RAD52: variants seen among roughly 807,000 people sequenced by gnomAD.
RAD52 encodes RAD52 DNA repair protein.
Under a neutral mutation model 55.5 loss-of-function variants are expected in RAD52, and 47 were observed. The observed-to-expected ratio is 0.85, with a 90% CI of 0.67 to 1.08. The LOEUF is 1.08. Among genes scored for constraint, RAD52 ranks in the 50% least tolerant of loss-of-function variants. RAD52 has a pLI of 0.00. For synonymous variants in RAD52, 184 were observed against 198.9 expected (o/e 0.92, Z 0.63); for missense variants, 468 against 522.8 (o/e 0.90, Z 1.02).
intron 6 of RAD52, 110 bp downstream of exon 6, chr12:927,035 G>A: frequency 1.3e-6 from 2 of 1,522,114 alleles, no homozygotes; most frequent in South Asian, 2.3e-5. Flanking sequence ...CTTCCACGCT[G>A]CTTGGATTTT....
chr12:917,027 T>C (rs1210858997), intron 7 of RAD52, among the ~76,000 whole-genome samples: 1 of 152,172 alleles, frequency 6.6e-6, no homozygotes, highest in Non-Finnish European at 1.5e-5. Context: ...GAATCCTTCT[T>C]TGGTTTTGAC....
Position 955,024 on chromosome 12 carries a change from G to A in RAD52, c.-18-21948C>T, listed in dbSNP as rs140970095. 6.7e-4 allele frequency among the ~76,000 whole-genome samples: 102 copies of A among 152,306 alleles called. 1 individual carries two copies. The highest frequency in any genetic ancestry group is 2.4e-3 in the African/African-American group (99 of 41,574). On this transcript the variant is annotated intron_variant, in intron 1 of 11. Coordinates refer to the RAD52 transcript ENST00000430095. ...CCCAATTAGCAAGATGCCTTACTAA[G>A]TGCTAGGCAGACAAAACAATATTCA...
intron 9 of RAD52, among the ~76,000 whole-genome samples, chr12:916,023 T>C (rs1373708926): frequency 6.6e-6 from 1 of 152,202 alleles, no homozygotes; most frequent in Non-Finnish European, 1.5e-5. Flanking sequence ...GGCCAAGGCT[T>C]TCTAATGTAG....
chr12:947,901 A>C (rs1438093083), intron 1 of RAD52, among the ~76,000 whole-genome samples: 39 of 129,904 alleles, frequency 3.0e-4, no homozygotes, highest in Admixed American at 1.4e-3. Flanking sequence ...AAAAAAAAAA[A>C]ACAAAAAAAA....
chr12:982,532 T>C (rs1032961450), intron 1 of RAD52, among the ~76,000 whole-genome samples: 2 of 152,168 alleles, frequency 1.3e-5, no homozygotes, highest in Non-Finnish European at 2.9e-5. Context: ...GCCAAATTCT[T>C]TGTGGAAGAA....
Position 933,042 on chromosome 12 carries a change from T to C in RAD52, c.17A>G (p.Glu6Gly). The C allele has an allele frequency of 6.2e-7, 1 of 1,613,718 alleles. No homozygotes were observed. Among genetic ancestry groups the C allele is most frequent in the Non-Finnish European group, 8.5e-7 (1 of 1,179,952 alleles). ...GCTGTCACGTCCTCCAAGAATTGCT[T>C]CCTCAGTCCCAGACATCTTGATTCT... MSGTE[E>G]AILGGRDSHP... Residue 6 changes from glutamate (E) to glycine (G), a missense_variant, in exon 2 of 12, where the codon GAA (glutamate) becomes GGA (glycine). Physicochemically the swap from Glu to Gly is moderately conservative, Grantham distance 98. Transcript: ENST00000358495.
intron 5 of RAD52, among the ~76,000 whole-genome samples, chr12:928,498 CAA>C (rs1193286605): frequency 6.8e-6 from 1 of 147,600 alleles, no homozygotes; most frequent in East Asian, 2.0e-4. Flanking sequence ...GCCTGGGCAA[CAA>C]GAGCAAAACT....
In RAD52 at chr12:913,326, T is replaced by C; in HGVS notation, c.*65A>G. 1 of 1,226,286 alleles carries C rather than the reference T, an allele frequency of 8.2e-7. No homozygotes were observed. Among genetic ancestry groups the C allele is most frequent in the South Asian group, 1.3e-5 (1 of 77,398 alleles). 76.0% of individuals were successfully genotyped at this position (1,226,286 alleles called of 1,614,324 possible). ...TCTCCAGCAGCGATGAACAATTTCA[T>C]GACCAAAAAGTAGTTTTCCAAAGTC... On this transcript the variant is annotated 3_prime_UTR_variant, in exon 12 of 12. Coordinates refer to ENST00000358495, the MANE Select transcript of RAD52 (RefSeq NM_134424.4).
intron 1 of RAD52, among the ~76,000 whole-genome samples, chr12:948,580 C>A (rs1056565274): frequency 3.9e-5 from 6 of 152,154 alleles, no homozygotes; most frequent in African/African-American, 1.4e-4. Flanking sequence ...ATCGCTTGAA[C>A]CCAGGAGGCG....
rs1956155419 is a variant in RAD52, at chr12:912,722, C to CAAAAAAAAAACAAAA, written c.*668_*669insTTTTGTTTTTTTTTT. On this transcript the variant is annotated 3_prime_UTR_variant, in exon 12 of 12. Transcript: ENST00000358495. ...AGGGCAACACAGCCAGACCCCGTCTCAAAAAAAAAAAAAAAAAAAAAAACA... is the reference window on the plus strand; with the variant it reads ...AGGGCAACACAGCCAGACCCCGTCTCAAAAAAAAAACAAAAAAAAAAAAAAAAAAAAAAAAAAACA... 1.4e-5 allele frequency: 1 copy of CAAAAAAAAAACAAAA among 72,854 alleles called. No homozygotes were observed. Among genetic ancestry groups the CAAAAAAAAAACAAAA allele is most frequent in the Admixed American group, 2.2e-4 (1 of 4,468 alleles). The allele number at this position is 72,854 out of a possible 1,614,324, so 4.5% of individuals were successfully genotyped here.
intron 7 of RAD52, among the ~76,000 whole-genome samples, chr12:918,122 AC>A (rs1956507225): frequency 6.6e-6 from 1 of 152,354 alleles, no homozygotes; most frequent in East Asian, 1.9e-4. Flanking sequence ...ATAATTCCCA[AC>A]AAAAATGAGT....
At chr12:979,419 C>T (rs1297636811) in intron 1 of RAD52, among the ~76,000 whole-genome samples, 1 of 151,166 alleles carries the variant, frequency 6.6e-6, no homozygotes, top group Non-Finnish European at 1.5e-5. Context: ...CCAGCCTGGG[C>T]AACAGTGAGA....
chr12:950,441 G>C (rs1958497561), upstream of RAD52, among the ~76,000 whole-genome samples: 1 of 152,108 alleles, frequency 6.6e-6, no homozygotes, highest in African/African-American at 2.4e-5. Context: ...CGTGGTGGCG[G>C]GCGCCTGTAG....
chr12:923,924 T>C (rs777263352), intron 7 of RAD52, among the ~76,000 whole-genome samples: 4 of 151,374 alleles, frequency 2.6e-5, no homozygotes, highest in Non-Finnish European at 5.9e-5. Context: ...GGCATGGTGG[T>C]GGCTGGCACC....
At chr12:916,288 G>A (rs1956367982) in intron 9 of RAD52, 56 bp downstream of exon 9, 2 of 1,588,500 alleles carry the variant, frequency 1.3e-6, no homozygotes, top group Admixed American at 3.6e-5. Flanking sequence ...AAGACCCTGC[G>A]GCTACACTTC....
At chr12:978,251 C>T (rs181651228) in intron 1 of RAD52, among the ~76,000 whole-genome samples, 94 of 151,812 alleles carry the variant, frequency 6.2e-4, no homozygotes, top group Admixed American at 1.8e-3. Flanking sequence ...CACAGGGTTT[C>T]ACCATGTTGG....
At chr12:931,796 C>T (rs770974029) in intron 2 of RAD52, among the ~76,000 whole-genome samples, 21 of 152,124 alleles carry the variant, frequency 1.4e-4, no homozygotes, top group Non-Finnish European at 2.9e-4. Flanking sequence ...GGAAAGAGCA[C>T]GGGGGTAGGA....
chr12:979,301 C>T (rs1958978062), intron 1 of RAD52, among the ~76,000 whole-genome samples: 2 of 152,128 alleles, frequency 1.3e-5, no homozygotes, highest in African/African-American at 4.8e-5. Flanking sequence ...TTTAGCATGG[C>T]GTGGTGATAC....
intron 1 of RAD52, among the ~76,000 whole-genome samples, chr12:967,863 G>A (rs983368108): frequency 6.6e-6 from 1 of 152,038 alleles, no homozygotes; most frequent in Non-Finnish European, 1.5e-5. Context: ...CTGAGCCCAG[G>A]AGGGGGAGGT....
Sources: allele counts gnomAD v4.1 joint callset (sites outside exome capture counted in the v4.1 genomes callset), GRCh38; gene constraint gnomAD v4.1.1; transcripts MANE v1.5; gene names NCBI Gene and HGNC (gene_info 2026-07-23, HGNC 2026-07-21).